PTPRD: variants seen among roughly 807,000 people sequenced by gnomAD.
PTPRD encodes protein tyrosine phosphatase receptor type D, also known as receptor-type tyrosine-protein phosphatase delta.
PTPRD carries 34 observed loss-of-function variants against 214.5 expected under a neutral mutation model. The ratio of observed to expected loss-of-function variants is 0.16; its 90% CI spans 0.12 to 0.21. The LOEUF (loss-of-function observed/expected upper bound fraction) is 0.21, where lower values mean the gene tolerates loss of function less well. Ranked by LOEUF, PTPRD falls within the 10% of genes least tolerant of loss-of-function variation. PTPRD has a pLI of 1.00. For missense variants in PTPRD, 2,545 were observed against 2,398.7 expected (o/e 1.06, Z -1.27); for synonymous variants, 1,128 against 845.7 (o/e 1.33, Z -5.79).
chr9:8,917,717 T>G (rs1285783741), intron 11 of PTPRD, among the ~76,000 whole-genome samples: 2 of 152,316 alleles, frequency 1.3e-5, no homozygotes, highest in Admixed American at 6.5e-5. Flanking sequence ...CCTAGCAGTC[T>G]ATACAATTCT....
intron 11 of PTPRD, among the ~76,000 whole-genome samples, chr9:8,897,026 A>G (rs970167175): frequency 6.6e-6 from 1 of 152,240 alleles, no homozygotes; most frequent in African/African-American, 2.4e-5. Flanking sequence ...TGATAGGAGA[A>G]ACTTTAATAT....
intron 2 of PTPRD, among the ~76,000 whole-genome samples, chr9:10,347,541 G>A (rs1231824778): frequency 6.6e-6 from 1 of 150,872 alleles, no homozygotes; most frequent in African/African-American, 2.4e-5. Context: ...CTCCCAAGTA[G>A]CTGGGATTAC....
rs1427001818 is a variant in PTPRD, at chr9:8,612,744, G to A, written c.352+20573C>T. On this transcript the variant is annotated intron_variant, in intron 14 of 45. Coordinates refer to ENST00000381196, the MANE Select transcript of PTPRD (RefSeq NM_002839.4). ...CTTCTGGGGGACCCTGAGGCTGGTGGGACCACCCACATACAAGTGGTACCT... is the reference window on the plus strand; with the variant it reads ...CTTCTGGGGGACCCTGAGGCTGGTGAGACCACCCACATACAAGTGGTACCT... Among the ~76,000 whole-genome samples the A allele has an allele frequency of 2.0e-5, 3 of 152,222 alleles. No individual in the cohort carries two copies. The East Asian group carries it at 5.8e-4, about 29-fold the overall frequency.
At chr9:9,350,062 G>A (rs1303849758) in intron 9 of PTPRD, among the ~76,000 whole-genome samples, 3 of 152,028 alleles carry the variant, frequency 2.0e-5, no homozygotes, top group Non-Finnish European at 4.4e-5. Flanking sequence ...GGAACGGAAA[G>A]GACCCCAGGA....
chr9:8,982,172 C>G (rs907181935), intron 11 of PTPRD, among the ~76,000 whole-genome samples: 1 of 151,976 alleles, frequency 6.6e-6, no homozygotes, highest in African/African-American at 2.4e-5. Flanking sequence ...ACACAATTAT[C>G]AAATTACACA....
At chr9:9,363,862 A>G (rs2057060695) in intron 9 of PTPRD, among the ~76,000 whole-genome samples, 1 of 151,400 alleles carries the variant, frequency 6.6e-6, no homozygotes, top group South Asian at 2.1e-4. Context: ...TGGTGTTGAT[A>G]CTTAATTATT....
At position 8,500,928 on chromosome 9, in the gene PTPRD, C is replaced by G. The variant is rs778234420; in HGVS notation, c.1954G>C (p.Val652Leu). The G allele has an allele frequency of 1.9e-6, 3 of 1,614,128 alleles. No individual in the cohort carries two copies. The highest frequency in any genetic ancestry group is 2.5e-6 in the Non-Finnish European group (3 of 1,180,018). The change falls in exon 24 of 46, where the codon GTG becomes CTG. Residue 652 changes from valine to leucine, a missense_variant. Physicochemically the swap from Val to Leu is conservative, Grantham distance 32 (BLOSUM62 1). Coordinates refer to ENST00000381196, the MANE Select transcript of PTPRD (RefSeq NM_002839.4). ...TGAGGCTTGTCATCTTCCCCATCCA[C>G]TGCAGTGTACTTGATGGAGTATTCA... is the stretch of plus-strand genomic sequence containing the variant. ...ITEYSIKYTA[V>L]DGEDDKPHEI...
At chr9:10,150,153 T>C (rs1472213040) in intron 3 of PTPRD, among the ~76,000 whole-genome samples, 1 of 152,172 alleles carries the variant, frequency 6.6e-6, no homozygotes, top group Non-Finnish European at 1.5e-5. Flanking sequence ...ATATTTATGT[T>C]TAAAGATATT....
At chr9:10,339,836 T>G (rs530856277) in intron 3 of PTPRD, among the ~76,000 whole-genome samples, 1 of 151,718 alleles carries the variant, frequency 6.6e-6, no homozygotes, top group Non-Finnish European at 1.5e-5. Context: ...AACAACACCT[T>G]CAATATCTCC....
Position 10,482,233 on chromosome 9 carries a change from T to C in PTPRD, c.-600+130165A>G, listed in dbSNP as rs548668883. ...AAAAATACAAAAAATTAGCCGGGCG[T>C]GGTGGCGGGTGCCTGTAGTCCCAGC... is the stretch of plus-strand genomic sequence containing the variant. On this transcript the variant is annotated intron_variant, in intron 2 of 45. Transcript: ENST00000381196. 1.6e-3 allele frequency among the ~76,000 whole-genome samples: 242 copies of C among 151,636 alleles called. 1 individual carries two copies. The highest frequency in any genetic ancestry group is 2.0e-3 in the Non-Finnish European group (139 of 67,824).
At chr9:10,551,274 G>C (rs1233260489) in intron 2 of PTPRD, among the ~76,000 whole-genome samples, 2 of 152,266 alleles carry the variant, frequency 1.3e-5, no homozygotes, top group Admixed American at 6.5e-5. Flanking sequence ...AGAGGTTCCA[G>C]GTTACAGTGA....
At chr9:10,405,518 C>T (rs1275030992) in intron 2 of PTPRD, among the ~76,000 whole-genome samples, 1 of 70,500 alleles carries the variant, frequency 1.4e-5, no homozygotes, top group Non-Finnish European at 3.8e-5. Context: ...GATTAATTCA[C>T]TAAACAAGGA....
At chr9:9,530,836 C>A (rs887677543) in intron 8 of PTPRD, among the ~76,000 whole-genome samples, 3 of 152,000 alleles carry the variant, frequency 2.0e-5, no homozygotes, top group African/African-American at 7.3e-5. Flanking sequence ...AAATGCTGAT[C>A]TCAGGGAGGT....
intron 11 of PTPRD, among the ~76,000 whole-genome samples, chr9:8,994,531 T>G (rs184216894): frequency 6.6e-6 from 1 of 152,062 alleles, no homozygotes; most frequent in Admixed American, 6.6e-5. Flanking sequence ...TTTGAGAATA[T>G]GAAATAATTA....
intron 14 of PTPRD, among the ~76,000 whole-genome samples, chr9:8,597,065 G>GA (rs933517921): frequency 2.6e-5 from 4 of 151,960 alleles, no homozygotes; most frequent in South Asian, 2.1e-4. Context: ...AATTGTAACA[G>GA]AAAAAAAGCG....
chr9:10,473,419 A>G (rs1241234292), intron 2 of PTPRD, among the ~76,000 whole-genome samples: 2 of 152,118 alleles, frequency 1.3e-5, no homozygotes, highest in African/African-American at 4.8e-5. Context: ...TCTCAGTGCT[A>G]TTAATTGACA....
At chr9:8,840,197 G>C (rs888881237) in intron 11 of PTPRD, among the ~76,000 whole-genome samples, 14 of 152,146 alleles carry the variant, frequency 9.2e-5, no homozygotes, top group Non-Finnish European at 1.3e-4. Flanking sequence ...ATATGGTTTG[G>C]CTATGTCCCC....
At chr9:9,615,285 G>T (rs1047045395) in intron 7 of PTPRD, among the ~76,000 whole-genome samples, 1 of 152,068 alleles carries the variant, frequency 6.6e-6, no homozygotes, top group Non-Finnish European at 1.5e-5. Flanking sequence ...ACCTCCACCA[G>T]CACCTGGACT....
chr9:9,492,459 C>A lies in PTPRD; in HGVS notation c.-237+82273G>T, dbSNP rs2095958669. Among the ~76,000 whole-genome samples the A allele has an allele frequency of 2.0e-5, 3 of 152,070 alleles. No individual in the cohort carries two copies. The South Asian group carries it at 6.2e-4, about 32-fold the overall frequency. On this transcript the variant is annotated intron_variant, in intron 8 of 45. Transcript: ENST00000381196. ...TGTTAACAGGATTATGTACCACGAC[C>A]AAAAACCAATGATGTTTATTCCTGG...
Sources: gnomAD v4.1 joint callset for allele counts (sites outside exome capture counted in the v4.1 genomes callset) on GRCh38, gnomAD v4.1.1 for gene constraint, MANE v1.5 for transcripts, NCBI Gene and HGNC (gene_info 2026-07-23, HGNC 2026-07-21) for gene names.